TXLNB: variants seen among roughly 807,000 people sequenced by gnomAD.
TXLNB encodes beta-taxilin.
Under a neutral mutation model 57.4 loss-of-function variants are expected in TXLNB, and 37 were observed. The observed-to-expected ratio is 0.64, with a 90% CI of 0.50 to 0.85. The LOEUF (loss-of-function observed/expected upper bound fraction) is 0.85. TXLNB is among the 40% of genes least tolerant of loss of function. TXLNB has a pLI of 0.00. For synonymous variants in TXLNB, 302 were observed against 309.6 expected, an observed-to-expected ratio of 0.98 and a Z score of 0.26; for missense variants, 848 against 825.6, an observed-to-expected ratio of 1.03 and a Z score of -0.33.
the TXLNB span, among the ~76,000 whole-genome samples, chr6:139,233,782 A>C: frequency 6.6e-6 from 1 of 152,206 alleles, no homozygotes; most frequent in Non-Finnish European, 1.5e-5. Context: ...TAATATAGTA[A>C]ATTGTTACCA....
the TXLNB span, among the ~76,000 whole-genome samples, chr6:139,301,749 G>A: frequency 1.3e-5 from 2 of 152,112 alleles, no homozygotes; most frequent in Non-Finnish European, 2.9e-5. Flanking sequence ...TACTTTCACA[G>A]TAACTTGATA....
intron 2 of TXLNB, chr6:139,287,409 G>A (rs1013362751): frequency 6.6e-6 from 1 of 152,216 alleles, no homozygotes; most frequent in Non-Finnish European, 1.5e-5. Flanking sequence ...ACTCCAGTTT[G>A]TGATATATTT....
chr6:139,310,870 T>C, the TXLNB span, among the ~76,000 whole-genome samples: 1 of 152,274 alleles, frequency 6.6e-6, no homozygotes, highest in Admixed American at 6.5e-5. Flanking sequence ...AATTTTTGTA[T>C]TTTTAGTAGA....
At chr6:139,180,318 TA>T in the TXLNB span, 4 of 152,640 alleles carry the variant, frequency 2.6e-5, no homozygotes, top group Admixed American at 2.6e-4. Flanking sequence ...GCACCAGAAC[TA>T]ATTTGCTAAG....
chr6:139,261,143 A>G (rs992920403), intron 5 of TXLNB, among the ~76,000 whole-genome samples: 1 of 152,190 alleles, frequency 6.6e-6, no homozygotes, highest in African/African-American at 2.4e-5. Flanking sequence ...GGGAGGTCCA[A>G]TCAGAAACAG....
chr6:139,280,021 G>A (rs971831407), intron 2 of TXLNB, among the ~76,000 whole-genome samples: 5 of 152,098 alleles, frequency 3.3e-5, no homozygotes, highest in African/African-American at 7.2e-5. Context: ...CATGCTTGCC[G>A]AGGCGGGCAG....
the TXLNB span, among the ~76,000 whole-genome samples, chr6:139,223,514 C>T: frequency 1.3e-5 from 2 of 152,060 alleles, no homozygotes; most frequent in Non-Finnish European, 2.9e-5. Flanking sequence ...AGGCAACCTA[C>T]AAAATGGGAG....
the TXLNB span, among the ~76,000 whole-genome samples, chr6:139,227,833 A>T: frequency 1.3e-5 from 2 of 152,304 alleles, no homozygotes; most frequent in South Asian, 4.1e-4. Context: ...GCCCCCTTAC[A>T]CACACAAATG....
At chr6:139,209,337 G>A in the TXLNB span, among the ~76,000 whole-genome samples, 1 of 152,164 alleles carries the variant, frequency 6.6e-6, no homozygotes, top group African/African-American at 2.4e-5. Flanking sequence ...TCATGGATGG[G>A]TAGAATTAAT....
intron 2 of TXLNB, among the ~76,000 whole-genome samples, chr6:139,281,539 C>CTTTTTTTT (rs745650982): frequency 1.7e-5 from 1 of 57,488 alleles, no homozygotes; most frequent in Non-Finnish European, 2.9e-5. Context: ...ATCTGGAGTT[C>CTTTTTTTT]TTTTTTTTTT....
At chr6:139,189,912 CTG>C in the TXLNB span, among the ~76,000 whole-genome samples, 4 of 152,308 alleles carry the variant, frequency 2.6e-5, no homozygotes, top group Non-Finnish European at 5.9e-5. Context: ...AGGGCAGGGA[CTG>C]TCTTTGACAA....
the TXLNB span, among the ~76,000 whole-genome samples, chr6:139,207,138 A>G: frequency 1.3e-5 from 2 of 152,234 alleles, no homozygotes; most frequent in African/African-American, 2.4e-5. Context: ...TGGACCTAAC[A>G]GATATTTATA....
At chr6:139,214,512 A>T in the TXLNB span, among the ~76,000 whole-genome samples, 1 of 152,214 alleles carries the variant, frequency 6.6e-6, no homozygotes, top group Non-Finnish European at 1.5e-5. Flanking sequence ...ACAAACCCAT[A>T]GCCAATATCA....
the TXLNB span, among the ~76,000 whole-genome samples, chr6:139,314,267 A>G: frequency 1.3e-5 from 2 of 152,176 alleles, no homozygotes; most frequent in Admixed American, 6.5e-5. Context: ...GACATTTACC[A>G]TATATTCCTC....
rs967537571 is a variant in TXLNB, at chr6:139,270,684, T to C, written c.517-58A>G. 5 of 1,517,862 alleles carry C rather than the reference T, an allele frequency of 3.3e-6. No homozygotes were observed. In the African/African-American group the frequency reaches 4.2e-5, roughly 13 times the overall value. The allele number at this position is 1,517,862 out of a possible 1,614,324, so 94.0% of individuals were successfully genotyped here. ...ATGGCAGGGATCTCCTTGGAGTGGA[T>C]AGAAAAAAAGCAAACCTAAAGATTA... On this transcript the variant is annotated intron_variant, in intron 3 of 9. Coordinates refer to ENST00000358430, the MANE Select transcript of TXLNB (RefSeq NM_153235.4).
At chr6:139,226,302 CAAAAAA>C in the TXLNB span, among the ~76,000 whole-genome samples, 3 of 39,248 alleles carry the variant, frequency 7.6e-5, no homozygotes, top group African/African-American at 3.3e-4. Context: ...GACCCTGTCT[CAAAAAA>C]AAAAAAAAAA....
chr6:139,187,903 G>C, the TXLNB span, among the ~76,000 whole-genome samples: 1 of 152,170 alleles, frequency 6.6e-6, no homozygotes, highest in African/African-American at 2.4e-5. Flanking sequence ...ATTAAATTAA[G>C]TGTTTATTGC....
the TXLNB span, among the ~76,000 whole-genome samples, chr6:139,311,430 T>C: frequency 2.0e-5 from 3 of 151,208 alleles, no homozygotes; most frequent in African/African-American, 7.3e-5. Context: ...CAGAGTGTTC[T>C]ATTTGGTGAT....
At chr6:139,320,973 GCA>G in the TXLNB span, among the ~76,000 whole-genome samples, 58 of 152,316 alleles carry the variant, frequency 3.8e-4, no homozygotes, top group South Asian at 4.6e-3. Flanking sequence ...GCTTGGGACA[GCA>G]CAGCAGAGAA....
Sources: gnomAD v4.1 joint callset for allele counts (sites outside exome capture counted in the v4.1 genomes callset) on GRCh38, gnomAD v4.1.1 for gene constraint, MANE v1.5 for transcripts, NCBI Gene and HGNC (gene_info 2026-07-23, HGNC 2026-07-21) for gene names.